Variants in TNIP2 observed in about 807,000 individuals in gnomAD.
TNIP2 encodes the protein TNFAIP3-interacting protein 2.
In TNIP2, 30 loss-of-function variants were observed where a neutral mutation model predicts 43.7. That is an observed-to-expected ratio of 0.69 (90% CI 0.51 to 0.93). The LOEUF (loss-of-function observed/expected upper bound fraction) is 0.93, where lower values mean the gene tolerates loss of function less well. TNIP2 is among the 40% of genes least tolerant of loss of function. TNIP2 has a pLI of 0.00. For missense variants in TNIP2, 599 were observed against 591.0 expected (o/e 1.01, Z -0.14); for synonymous variants, 260 against 254.6 (o/e 1.02, Z -0.20).
In TNIP2 at chr4:2,744,748, G is replaced by A. The variant is rs1721894225; in HGVS notation, c.855C>T (p.Ser285=). ...CCAACGCAGCATCCCGGGCCGTCCT[G>A]GAGGCCGCCAGCTCCTGCTTCACTT... The part of the protein sequence containing the change: ...CAEVKQELAA[S]RTARDAALER... The change falls in exon 4 of 6, where the codon TCC becomes TCT. Residue 285 remains serine (S), a synonymous_variant. Transcript: ENST00000315423. The surrounding 1 kb of genome is among the most constrained non-coding windows in gnomAD (Gnocchi z 5.1). 2 of 1,608,578 alleles carry A rather than the reference G, an allele frequency of 1.2e-6. No individual in the cohort carries two copies. The highest frequency in any genetic ancestry group is 1.7e-6 in the Non-Finnish European group (2 of 1,180,022).
chr4:2,753,806 C>A (rs1013151097), intron 1 of TNIP2, among the ~76,000 whole-genome samples: 4 of 152,200 alleles, frequency 2.6e-5, no homozygotes, highest in African/African-American at 9.6e-5. Context: ...TCTAAACTTC[C>A]CTTCTGCTCT....
chr4:2,745,058 T>C, intron 3 of TNIP2, 113 bp from the exon 4 acceptor site: 1 of 1,376,754 alleles, frequency 7.3e-7, no homozygotes, highest in South Asian at 1.5e-5. Flanking sequence ...GAGTTTCCTC[T>C]TAAATGGAAG....
intron 1 of TNIP2, among the ~76,000 whole-genome samples, chr4:2,748,198 C>T (rs1483873224): frequency 6.6e-6 from 1 of 151,198 alleles, no homozygotes; most frequent in African/African-American, 2.4e-5. Context: ...TTTTTTGAGA[C>T]AGAGTTTCAC....
chr4:2,749,506 A>T (rs1185368830), intron 1 of TNIP2, among the ~76,000 whole-genome samples: 1 of 152,176 alleles, frequency 6.6e-6, no homozygotes, highest in Non-Finnish European at 1.5e-5. Flanking sequence ...GTCTGGACAG[A>T]CACACAGAGA....
At chr4:2,752,496 C>T (rs1014288612) in intron 1 of TNIP2, among the ~76,000 whole-genome samples, 5 of 152,204 alleles carry the variant, frequency 3.3e-5, no homozygotes, top group Non-Finnish European at 2.9e-5. Context: ...TGGTCAGCTC[C>T]TCCACATTCT....
chr4:2,748,336 A>G (rs1390973171), intron 1 of TNIP2, among the ~76,000 whole-genome samples: 5 of 151,900 alleles, frequency 3.3e-5, no homozygotes, highest in Non-Finnish European at 7.4e-5. Flanking sequence ...CACCAAGCCC[A>G]GCTAAAAGAA....
In TNIP2 at chr4:2,744,574, CCCCACA is replaced by C; in HGVS notation, c.907-74_907-69del. 1.2e-6 allele frequency: 2 copies of C among 1,606,344 alleles called. No individual in the cohort carries two copies. Among genetic ancestry groups the C allele is most frequent in the Non-Finnish European group, 1.7e-6 (2 of 1,176,644 alleles). On this transcript the variant is annotated intron_variant, in intron 4 of 5. Transcript: ENST00000315423. The surrounding 1 kb of genome is among the most constrained non-coding windows in gnomAD (Gnocchi z 5.1). ...AAGCGCCCCACCAGGCTTCTCCCAC[CCCCACA>C]GTGACCACTGCCCACTCAGTGCCAC...
intron 1 of TNIP2, among the ~76,000 whole-genome samples, chr4:2,752,013 G>T (rs372036769): frequency 6.6e-6 from 1 of 151,560 alleles, no homozygotes; most frequent in Non-Finnish European, 1.5e-5. Context: ...GCTGAGGCAG[G>T]AGAATCGCTT....
chr4:2,748,500 G>A (rs751556394), intron 1 of TNIP2, among the ~76,000 whole-genome samples: 5 of 152,074 alleles, frequency 3.3e-5, no homozygotes, highest in Non-Finnish European at 7.4e-5. Flanking sequence ...ACGCCACCAC[G>A]CCCAGCTAAT....
rs754192558 is a variant in TNIP2 at position 2,756,255 on chromosome 4, T to A, written c.35A>T (p.Glu12Val). The change falls in exon 1 of 6, where the codon GAG becomes GTG. Residue 12 changes from glutamate (E) to valine (V), a missense_variant. Transcript: ENST00000315423. ...GAGCGCGGCAGCTGCGCGCGGGGCC[T>A]CCTCCCAGCCGCCCGACCCCGGGTC... is the stretch of plus-strand genomic sequence containing the variant. ...SRDPGSGGWE[E>V]APRAAAALCT... 14 of 1,435,932 alleles carry A rather than the reference T, an allele frequency of 9.7e-6. No homozygotes were observed. The African/African-American group carries it at 1.9e-4, about 20-fold the overall frequency. 88.9% of individuals were successfully genotyped at this position (1,435,932 alleles called of 1,614,324 possible). A position where few individuals can be genotyped will look rare whatever the true frequency, so the allele number is the denominator to read the frequency against.
Position 2,742,045 on chromosome 4 carries a change from C to T in TNIP2, c.*212G>A, listed in dbSNP as rs1721799520. ...TGCCAGATGTTCCTGACCCCATCTC[C>T]ACCTCCAGCCTCCAGCCTCACTGGC... On this transcript the variant is annotated 3_prime_UTR_variant, in exon 6 of 6. Transcript: ENST00000315423. 1 of 422,456 alleles carries T rather than the reference C, an allele frequency of 2.4e-6. No homozygotes were observed. The highest frequency in any genetic ancestry group is 4.1e-6 in the Non-Finnish European group (1 of 246,742). The allele number at this position is 422,456 out of a possible 1,614,324, so 26.2% of individuals were successfully genotyped here. A position where few individuals can be genotyped will look rare whatever the true frequency, so the allele number is the denominator to read the frequency against.
In TNIP2 at chr4:2,756,318, G is replaced by A. The variant is rs1267267004; in HGVS notation, c.-29C>T. Reference sequence around the variant, plus strand: ...TGTAGGCCCGCCCGGGAGGCCGCGCGGCCGCCGGCAACTTCCGCGCCCGGG... The same window carrying A: ...TGTAGGCCCGCCCGGGAGGCCGCGCAGCCGCCGGCAACTTCCGCGCCCGGG... On this transcript the variant is annotated 5_prime_UTR_variant, in exon 1 of 6. Coordinates refer to ENST00000315423, the MANE Select transcript of TNIP2 (RefSeq NM_024309.4). 21 of 1,196,694 alleles carry A rather than the reference G, an allele frequency of 1.8e-5. No homozygotes were observed. Among genetic ancestry groups the A allele is most frequent in the South Asian group, 7.8e-5 (2 of 25,736 alleles). 74.1% of individuals were successfully genotyped at this position (1,196,694 alleles called of 1,614,324 possible).
At chr4:2,745,159 C>T (rs1451736932) in intron 3 of TNIP2, among the ~76,000 whole-genome samples, 1 of 152,204 alleles carries the variant, frequency 6.6e-6, no homozygotes, top group Non-Finnish European at 1.5e-5. Context: ...GCAGCATGAA[C>T]GGAGGTGGAC....
At position 2,756,152 on chromosome 4, in the gene TNIP2, A is replaced by G; in HGVS notation, c.138T>C (p.Ala46=). Residue 46 remains alanine, a synonymous_variant, in exon 1 of 6, where the codon GCT becomes GCC. Coordinates refer to ENST00000315423, the MANE Select transcript of TNIP2 (RefSeq NM_024309.4). ...GCGCGGCCAGGCGGGCGCGGAGGCGAGCGATGAGGGCGTCGCGGGCAGCGA... is the reference window on the plus strand; with the variant it reads ...GCGCGGCCAGGCGGGCGCGGAGGCGGGCGATGAGGGCGTCGCGGGCAGCGA... ...DQLAARDALI[A]RLRARLAALE... is the part of the protein sequence containing the mutation. 1 of 1,476,656 alleles carries G rather than the reference A, an allele frequency of 6.8e-7. No individual in the cohort carries two copies. The highest frequency in any genetic ancestry group is 8.9e-7 in the Non-Finnish European group (1 of 1,121,844). 91.5% of individuals were successfully genotyped at this position (1,476,656 alleles called of 1,614,324 possible). A position where few individuals can be genotyped will look rare whatever the true frequency, so the allele number is the denominator to read the frequency against.
chr4:2,751,966 G>T (rs545125739), intron 1 of TNIP2, among the ~76,000 whole-genome samples: 37 of 150,588 alleles, frequency 2.5e-4, no homozygotes, highest in African/African-American at 6.6e-4. Context: ...TTAGCCAGGC[G>T]TGCTGGTGGG....
At chr4:2,751,337 C>T (rs1010487152) in intron 1 of TNIP2, among the ~76,000 whole-genome samples, 1 of 152,216 alleles carries the variant, frequency 6.6e-6, no homozygotes, top group African/African-American at 2.4e-5. Flanking sequence ...AAGCCTGTCG[C>T]CGGGACCCAC....
At chr4:2,751,545 A>G (rs1262274324) in intron 1 of TNIP2, among the ~76,000 whole-genome samples, 3 of 149,826 alleles carry the variant, frequency 2.0e-5, no homozygotes, top group Admixed American at 6.6e-5. Context: ...CCGAGGTGGG[A>G]GGATCACTTG....
Position 2,742,246 on chromosome 4 carries a change from G to T in TNIP2, c.*11C>A. The stretch of plus-strand genomic sequence containing the variant: ...GGGCCAGGAGGCCGCAAGGGCACGG[G>T]TGAGTCTCGGTCACTGGCAGCACTC... On this transcript the variant is annotated 3_prime_UTR_variant, in exon 6 of 6. Coordinates refer to ENST00000315423, the MANE Select transcript of TNIP2 (RefSeq NM_024309.4). 1 of 1,467,548 alleles carries T rather than the reference G, an allele frequency of 6.8e-7. No homozygotes were observed. The allele number at this position is 1,467,548 out of a possible 1,614,324, so 90.9% of individuals were successfully genotyped here.
At position 2,752,204 on chromosome 4, in the gene TNIP2, C is replaced by T. The variant is rs1010268596; in HGVS notation, c.276+3810G>A. Among the ~76,000 whole-genome samples the T allele has an allele frequency of 2.0e-5, 3 of 151,938 alleles. 1 individual carries two copies. The highest frequency in any genetic ancestry group is 4.4e-5 in the Non-Finnish European group (3 of 67,982). On this transcript the variant is annotated intron_variant, in intron 1 of 5. Transcript: ENST00000315423. ...CAAGCAAAGCAAAGCTAAGCTAAGC[C>T]GGAAGGGAAAGGGGGCTGATACGCC...
Sources: gnomAD v4.1 joint callset for allele counts (sites outside exome capture counted in the v4.1 genomes callset) on GRCh38, gnomAD v4.1.1 for gene constraint, Gnocchi (gnomAD v3.1) non-coding constraint, MANE v1.5 for transcripts, NCBI Gene and HGNC (gene_info 2026-07-23, HGNC 2026-07-21) for gene names.